Variants in CNTN5 observed in about 807,000 individuals in gnomAD.
CNTN5 encodes contactin-5.
In CNTN5, 77 loss-of-function variants were observed where a neutral mutation model predicts 129.1. The observed-to-expected ratio is 0.60, with a 90% CI of 0.50 to 0.72. The LOEUF (loss-of-function observed/expected upper bound fraction) is 0.72. Among genes scored for constraint, CNTN5 ranks in the 30% least tolerant of loss-of-function variants. The pLI is 0.00. For synonymous variants in CNTN5, 509 were observed against 465.6 expected, an observed-to-expected ratio of 1.09 and a Z score of -1.20; for missense variants, 1,478 against 1,328.8, an observed-to-expected ratio of 1.11 and a Z score of -1.75.
intron 13 of CNTN5, among the ~76,000 whole-genome samples, chr11:100,120,817 G>C (rs1250925395): frequency 2.0e-5 from 3 of 151,498 alleles, no homozygotes; most frequent in African/African-American, 7.3e-5. Flanking sequence ...TTTTAAAAAG[G>C]AATTAGTCAT....
At chr11:99,243,156 T>C (rs1363377423) in intron 1 of CNTN5, among the ~76,000 whole-genome samples, 1 of 152,192 alleles carries the variant, frequency 6.6e-6, no homozygotes, top group Non-Finnish European at 1.5e-5. Flanking sequence ...TTTTTGACTT[T>C]TTAATAACAG....
intron 1 of CNTN5, among the ~76,000 whole-genome samples, chr11:99,304,952 A>AATAGATATAT (rs1864808640): frequency 6.6e-6 from 1 of 152,210 alleles, no homozygotes; most frequent in Admixed American, 6.5e-5. Flanking sequence ...AAAGGTTACT[A>AATAGATATAT]ATAGATATAT....
At chr11:99,882,298 A>G (rs1948790856) in intron 6 of CNTN5, among the ~76,000 whole-genome samples, 1 of 152,216 alleles carries the variant, frequency 6.6e-6, no homozygotes, top group African/African-American at 2.4e-5. Context: ...AAAGATAACT[A>G]TTGCTGGACT....
intron 1 of CNTN5, among the ~76,000 whole-genome samples, chr11:99,180,723 C>A (rs2135563485): frequency 6.6e-6 from 1 of 152,116 alleles, no homozygotes; most frequent in African/African-American, 2.4e-5. Context: ...AGGAAAATAC[C>A]CTTACAGATA....
chr11:99,516,735 A>C (rs1947066623), intron 2 of CNTN5, among the ~76,000 whole-genome samples: 1 of 152,118 alleles, frequency 6.6e-6, no homozygotes, highest in African/African-American at 2.4e-5. Flanking sequence ...CCTAATCCTG[A>C]ATTTTTTTAA....
chr11:99,164,049 AG>A (rs1860750210), intron 1 of CNTN5, among the ~76,000 whole-genome samples: 2 of 152,146 alleles, frequency 1.3e-5, no homozygotes, highest in South Asian at 4.1e-4. Context: ...GCAATTGGGC[AG>A]GGCGCAGTGG....
intron 2 of CNTN5, among the ~76,000 whole-genome samples, chr11:99,501,221 C>T (rs1946416596): frequency 6.6e-6 from 1 of 152,116 alleles, no homozygotes; most frequent in African/African-American, 2.4e-5. Context: ...ATCTACTATT[C>T]TGCTGGAATT....
At chr11:99,840,726 A>G (rs1453797938) in intron 4 of CNTN5, among the ~76,000 whole-genome samples, 1 of 152,136 alleles carries the variant, frequency 6.6e-6, no homozygotes, top group Non-Finnish European at 1.5e-5. Context: ...GAAGGCTTCT[A>G]CTTGGTTGAA....
intron 3 of CNTN5, among the ~76,000 whole-genome samples, chr11:99,609,137 A>C (rs968151997): frequency 3.3e-5 from 5 of 152,156 alleles, no homozygotes; most frequent in African/African-American, 1.2e-4. Flanking sequence ...TAAATGTATA[A>C]AACTCCAGTT....
At chr11:99,626,010 A>G (rs1169921528) in intron 3 of CNTN5, among the ~76,000 whole-genome samples, 1 of 151,992 alleles carries the variant, frequency 6.6e-6, no homozygotes, top group African/African-American at 2.4e-5. Flanking sequence ...CAAAGCAGGG[A>G]AATATGTAAA....
chr11:100,013,755 T>A (rs903274075), intron 9 of CNTN5, among the ~76,000 whole-genome samples: 6 of 152,210 alleles, frequency 3.9e-5, no homozygotes, highest in African/African-American at 1.4e-4. Context: ...AGTTATCTCT[T>A]CTAATGGTGA....
At chr11:100,037,322 T>G (rs1219175096) in intron 9 of CNTN5, among the ~76,000 whole-genome samples, 1 of 151,988 alleles carries the variant, frequency 6.6e-6, no homozygotes, top group Non-Finnish European at 1.5e-5. Flanking sequence ...TGAAGCCCAC[T>G]TGATCTTGGT....
intron 3 of CNTN5, among the ~76,000 whole-genome samples, chr11:99,581,705 T>G (rs1949600908): frequency 6.6e-6 from 1 of 152,214 alleles, no homozygotes; most frequent in South Asian, 2.1e-4. Context: ...CTCTATCCCT[T>G]TATTTTGAGA....
intron 2 of CNTN5, among the ~76,000 whole-genome samples, chr11:99,524,171 GTCAA>G (rs1205880768): frequency 6.6e-6 from 1 of 152,086 alleles, no homozygotes; most frequent in African/African-American, 2.4e-5. Context: ...GCAGAAAATG[GTCAA>G]TCACAGTTTC....
chr11:99,202,641 A>C (rs1392447628), intron 1 of CNTN5, among the ~76,000 whole-genome samples: 1 of 152,054 alleles, frequency 6.6e-6, no homozygotes. Flanking sequence ...TCACTACTTT[A>C]GTTTTTGGGT....
intron 1 of CNTN5, among the ~76,000 whole-genome samples, chr11:99,051,654 G>T (rs1408115230): frequency 6.6e-6 from 1 of 151,882 alleles, no homozygotes; most frequent in East Asian, 1.9e-4. Flanking sequence ...TAAAATATTT[G>T]CTGAGAGAAT....
chr11:99,382,330 T>G (rs534040419), intron 2 of CNTN5, among the ~76,000 whole-genome samples: 27 of 152,032 alleles, frequency 1.8e-4, no homozygotes, highest in Non-Finnish European at 2.8e-4. Context: ...AGAAGTGAAA[T>G]CTGCTGGACA....
intron 23 of CNTN5, among the ~76,000 whole-genome samples, chr11:100,342,739 G>A (rs370503201): frequency 1.1e-4 from 16 of 152,106 alleles, no homozygotes; most frequent in Non-Finnish European, 1.6e-4. Flanking sequence ...GATGACTAAC[G>A]TTGGCCCAGA....
intron 1 of CNTN5, among the ~76,000 whole-genome samples, chr11:99,162,176 GT>G (rs1207479946): frequency 6.6e-6 from 1 of 152,002 alleles, no homozygotes; most frequent in African/African-American, 2.4e-5. Context: ...ATCTTGTCCT[GT>G]TTTGATGATA....
Sources: allele counts gnomAD v4.1 joint callset (sites outside exome capture counted in the v4.1 genomes callset), GRCh38; gene constraint gnomAD v4.1.1; transcripts MANE v1.5; gene names NCBI Gene and HGNC (gene_info 2026-07-23, HGNC 2026-07-21).